The following SLC35D4 variants were observed in gnomAD, a reference collection of about 807,000 sequenced individuals.
SLC35D4 encodes UDP-N-acetylglucosamine transporter SLC35D4.
the SLC35D4 span, among the ~76,000 whole-genome samples, chr18:23,375,803 C>G: frequency 2.0e-5 from 3 of 152,184 alleles, no homozygotes; most frequent in Non-Finnish European, 2.9e-5. Context: ...AAAAGTAACA[C>G]TGCCAAACAC....
the SLC35D4 span, among the ~76,000 whole-genome samples, chr18:23,368,091 C>T: frequency 1.3e-5 from 2 of 152,170 alleles, no homozygotes; most frequent in African/African-American, 4.8e-5. Context: ...TTAACAAATA[C>T]ACCTTCAGAA....
the SLC35D4 span, among the ~76,000 whole-genome samples, chr18:23,378,975 C>T: frequency 1.3e-5 from 2 of 152,314 alleles, no homozygotes; most frequent in South Asian, 4.1e-4. Context: ...CCAACCCTGC[C>T]TCTGCAGAGC....
the SLC35D4 span, among the ~76,000 whole-genome samples, chr18:23,262,388 T>C: frequency 2.0e-5 from 3 of 152,174 alleles, no homozygotes; most frequent in Non-Finnish European, 4.4e-5. Flanking sequence ...AGCGTTAGGA[T>C]GGTGGCAAGT....
At chr18:23,240,286 C>T in the SLC35D4 span, among the ~76,000 whole-genome samples, 1 of 152,126 alleles carries the variant, frequency 6.6e-6, no homozygotes, top group Non-Finnish European at 1.5e-5. Context: ...AGTGGAAAGA[C>T]CCCAAAGTAG....
the SLC35D4 span, among the ~76,000 whole-genome samples, chr18:23,372,473 A>T: frequency 1.3e-5 from 2 of 152,172 alleles, no homozygotes; most frequent in South Asian, 4.1e-4. Context: ...CATCAGAGAG[A>T]TCTGGGATAA....
chr18:23,406,642 G>T, the SLC35D4 span, among the ~76,000 whole-genome samples: 1 of 152,210 alleles, frequency 6.6e-6, no homozygotes, highest in African/African-American at 2.4e-5. Context: ...AGCCAGTTAT[G>T]TAATAACTTT....
At chr18:23,276,717 G>A in the SLC35D4 span, among the ~76,000 whole-genome samples, 1 of 152,202 alleles carries the variant, frequency 6.6e-6, no homozygotes, top group Non-Finnish European at 1.5e-5. Flanking sequence ...GCCAGTCCCT[G>A]CCCGCCTATC....
At chr18:23,342,757 T>C in the SLC35D4 span, among the ~76,000 whole-genome samples, 1 of 152,230 alleles carries the variant, frequency 6.6e-6, no homozygotes, top group Non-Finnish European at 1.5e-5. Flanking sequence ...TAAAAAATTA[T>C]AGTAGTGGGT....
At chr18:23,346,869 T>C in the SLC35D4 span, among the ~76,000 whole-genome samples, 1 of 152,236 alleles carries the variant, frequency 6.6e-6, no homozygotes, top group Non-Finnish European at 1.5e-5. Context: ...CTGAGATAAA[T>C]CTCACTTGAT....
chr18:23,284,306 T>C, the SLC35D4 span, among the ~76,000 whole-genome samples: 11 of 152,330 alleles, frequency 7.2e-5, no homozygotes, highest in East Asian at 2.1e-3. Flanking sequence ...TTTCACCATC[T>C]ATTCTCTCTG....
the SLC35D4 span, among the ~76,000 whole-genome samples, chr18:23,390,047 T>C: frequency 6.6e-6 from 1 of 152,158 alleles, no homozygotes; most frequent in African/African-American, 2.4e-5. Flanking sequence ...GCAATAATAG[T>C]AGCTAAGATA....
the SLC35D4 span, among the ~76,000 whole-genome samples, chr18:23,315,008 GAA>G: frequency 7.2e-5 from 11 of 152,212 alleles, no homozygotes; most frequent in African/African-American, 2.7e-4. Context: ...CATTTAAGGG[GAA>G]AATGGTGGTG....
the SLC35D4 span, among the ~76,000 whole-genome samples, chr18:23,407,761 T>C: frequency 2.0e-5 from 3 of 152,218 alleles, no homozygotes; most frequent in African/African-American, 7.2e-5. Flanking sequence ...AACCAACACC[T>C]TCACACTGCT....
At chr18:23,326,375 A>C in the SLC35D4 span, among the ~76,000 whole-genome samples, 47,587 of 152,046 alleles carry the variant, frequency 0.31, 9,141 homozygotes, top group Non-Finnish European at 0.43. Context: ...AAGCAAATGG[A>C]AAGAAAAAAA....
At chr18:23,379,774 A>C in the SLC35D4 span, among the ~76,000 whole-genome samples, 2 of 152,122 alleles carry the variant, frequency 1.3e-5, no homozygotes, top group Non-Finnish European at 2.9e-5. Context: ...CAGGGTTCTA[A>C]ATGGGTTATT....
the SLC35D4 span, among the ~76,000 whole-genome samples, chr18:23,265,796 C>A: frequency 6.6e-6 from 1 of 151,758 alleles, no homozygotes; most frequent in Non-Finnish European, 1.5e-5. Flanking sequence ...CACACTCTGC[C>A]GGAACCACTT....
At chr18:23,430,584 T>C in the SLC35D4 span, 11 of 1,460,872 alleles carry the variant, frequency 7.5e-6, no homozygotes, top group African/African-American at 2.8e-5. Context: ...ATGATGGTGG[T>C]TGGACATTTC....
the SLC35D4 span, among the ~76,000 whole-genome samples, chr18:23,437,296 A>G: frequency 4.6e-5 from 7 of 152,332 alleles, no homozygotes; most frequent in African/African-American, 1.2e-4. Context: ...AGTGCTTACA[A>G]TGGAGACGTA....
At chr18:23,253,804 C>G in the SLC35D4 span, 1 of 1,614,224 alleles carries the variant, frequency 6.2e-7, no homozygotes, top group Non-Finnish European at 8.5e-7. Context: ...TGGCCTTCGT[C>G]TACTTTGAAA....
Sources: allele counts gnomAD v4.1 joint callset (sites outside exome capture counted in the v4.1 genomes callset), GRCh38; gene constraint gnomAD v4.1.1; transcripts MANE v1.5; gene names NCBI Gene and HGNC (gene_info 2026-07-23, HGNC 2026-07-21).